Variants in WWOX observed in about 807,000 individuals in gnomAD.
WWOX encodes the protein WW domain-containing oxidoreductase.
WWOX carries 69 observed loss-of-function variants against 46.2 expected under a neutral mutation model. The observed-to-expected ratio is 1.49, with a 90% CI of 1.23 to 1.82. WWOX has a LOEUF of 1.82. WWOX is among the 40% of genes most tolerant of loss of function. The pLI is 0.00. For missense variants in WWOX, 919 were observed against 542.6 expected, an observed-to-expected ratio of 1.69 and a Z score of -6.89; for synonymous variants, 359 against 202.6, an observed-to-expected ratio of 1.77 and a Z score of -6.56.
chr16:78,904,021 C>T (rs577485683), intron 8 of WWOX, among the ~76,000 whole-genome samples: 1 of 152,104 alleles, frequency 6.6e-6, no homozygotes, highest in African/African-American at 2.4e-5. Context: ...CATATATCAT[C>T]AACACCTTTA....
intron 8 of WWOX, among the ~76,000 whole-genome samples, chr16:79,208,356 A>G (rs2051591869): frequency 1.3e-5 from 2 of 149,090 alleles, no homozygotes; most frequent in Non-Finnish European, 3.0e-5. Context: ...TACAACCTAC[A>G]GGCTTCTGAT....
intron 8 of WWOX, among the ~76,000 whole-genome samples, chr16:79,191,178 C>T (rs1267217246): frequency 3.9e-5 from 6 of 152,064 alleles, no homozygotes; most frequent in African/African-American, 7.2e-5. Flanking sequence ...CTCAGCTTCC[C>T]GAGTAGCTGG....
At chr16:78,633,912 T>TTA (rs1491182018) in intron 8 of WWOX, among the ~76,000 whole-genome samples, 17 of 151,812 alleles carry the variant, frequency 1.1e-4, no homozygotes, top group Admixed American at 7.9e-4. Context: ...TTTTTTTTTT[T>TTA]TAGATTTCTC....
At chr16:78,775,493 G>C (rs1366161126) in intron 8 of WWOX, among the ~76,000 whole-genome samples, 1 of 152,146 alleles carries the variant, frequency 6.6e-6, no homozygotes, top group African/African-American at 2.4e-5. Context: ...AAACAGAGAA[G>C]TCACTGTAGC....
chr16:78,818,044 C>T (rs2051387742), intron 8 of WWOX, among the ~76,000 whole-genome samples: 1 of 152,178 alleles, frequency 6.6e-6, no homozygotes, highest in Non-Finnish European at 1.5e-5. Flanking sequence ...GCAAGGGTCT[C>T]AGTCAACCTT....
chr16:78,465,354 C>G (rs1272118593), intron 8 of WWOX, among the ~76,000 whole-genome samples: 3 of 152,134 alleles, frequency 2.0e-5, no homozygotes, highest in Admixed American at 6.5e-5. Context: ...TTGCTATTTT[C>G]TTTTTTTAAG....
At chr16:78,656,028 C>CA (rs1205345459) in intron 8 of WWOX, among the ~76,000 whole-genome samples, 1 of 152,108 alleles carries the variant, frequency 6.6e-6, no homozygotes, top group African/African-American at 2.4e-5. Context: ...GGGTGAATAC[C>CA]AAAGGTCTGT....
chr16:78,660,327 G>A (rs2047181827), intron 8 of WWOX, among the ~76,000 whole-genome samples: 1 of 152,180 alleles, frequency 6.6e-6, no homozygotes. Context: ...CTGGCAGACA[G>A]TGGTTCATTT....
At chr16:78,773,258 C>G (rs2050108734) in intron 8 of WWOX, among the ~76,000 whole-genome samples, 3 of 152,104 alleles carry the variant, frequency 2.0e-5, no homozygotes, top group South Asian at 2.1e-4. Context: ...TTCTCCGATT[C>G]CACACCCCAT....
intron 5 of WWOX, among the ~76,000 whole-genome samples, chr16:78,360,108 A>G (rs1244279976): frequency 6.6e-6 from 1 of 152,224 alleles, no homozygotes; most frequent in Non-Finnish European, 1.5e-5. Flanking sequence ...AAAACACATT[A>G]AAAACAACGA....
At chr16:79,193,478 G>C (rs2051177290) in intron 8 of WWOX, among the ~76,000 whole-genome samples, 1 of 152,204 alleles carries the variant, frequency 6.6e-6, no homozygotes, top group African/African-American at 2.4e-5. Context: ...GCTGGGTCTT[G>C]CGTCACAGAG....
intron 8 of WWOX, among the ~76,000 whole-genome samples, chr16:78,437,530 T>TCAGCA (rs1438178247): frequency 6.6e-6 from 1 of 152,206 alleles, no homozygotes; most frequent in African/African-American, 2.4e-5. Context: ...GAATCAATTC[T>TCAGCA]CAGCACAGCG....
intron 8 of WWOX, among the ~76,000 whole-genome samples, chr16:78,500,734 G>A (rs893029630): frequency 1.3e-5 from 2 of 152,192 alleles, no homozygotes; most frequent in Non-Finnish European, 2.9e-5. Flanking sequence ...GGAAGCCCCA[G>A]TAATATCATT....
rs190149204 is a variant in WWOX at position 78,723,293 on chromosome 16, C to T, written c.1056+290541C>T. Among the ~76,000 whole-genome samples, 190 of 152,290 alleles carry T rather than the reference C, an allele frequency of 1.2e-3. 1 individual carries two copies. The highest frequency in any genetic ancestry group is 4.4e-3 in the African/African-American group (183 of 41,552). Reference sequence around the variant, plus strand: ...CTGGGAAGCTTTTGAAAACTCCCAGCATCATGAAGCATGGTCTCTTGCCTT... The same window carrying T: ...CTGGGAAGCTTTTGAAAACTCCCAGTATCATGAAGCATGGTCTCTTGCCTT... On this transcript the variant is annotated intron_variant, in intron 8 of 8. Coordinates refer to ENST00000566780, the MANE Select transcript of WWOX (RefSeq NM_016373.4).
intron 8 of WWOX, among the ~76,000 whole-genome samples, chr16:78,926,354 C>G (rs1032756393): frequency 2.2e-5 from 3 of 136,224 alleles, no homozygotes; most frequent in Admixed American, 7.7e-5. Flanking sequence ...GCGTGGGTGA[C>G]AGTGAGACCC....
chr16:78,368,697 C>A (rs894261352), intron 5 of WWOX, among the ~76,000 whole-genome samples: 1 of 152,172 alleles, frequency 6.6e-6, no homozygotes, highest in Non-Finnish European at 1.5e-5. Context: ...CCTTCCCCTC[C>A]CCCCTCTAAT....
At chr16:78,719,155 C>A (rs191402765) in intron 8 of WWOX, among the ~76,000 whole-genome samples, 9 of 152,276 alleles carry the variant, frequency 5.9e-5, no homozygotes, top group Middle Eastern at 3.4e-3. Flanking sequence ...TGTGGGTGAT[C>A]TCTTTCTTCC....
At chr16:78,148,815 G>A (rs992998128) in intron 4 of WWOX, among the ~76,000 whole-genome samples, 13 of 147,564 alleles carry the variant, frequency 8.8e-5, no homozygotes, top group Admixed American at 2.1e-4. Flanking sequence ...GGAGAATGGC[G>A]TGAACCTGGG....
At chr16:79,116,712 T>G (rs933444253) in intron 8 of WWOX, among the ~76,000 whole-genome samples, 1 of 152,014 alleles carries the variant, frequency 6.6e-6, no homozygotes, top group South Asian at 2.1e-4. Context: ...CCCAAGAAGG[T>G]GGAATAAACT....
Sources: allele counts gnomAD v4.1 joint callset (sites outside exome capture counted in the v4.1 genomes callset), GRCh38; gene constraint gnomAD v4.1.1; transcripts MANE v1.5; gene names NCBI Gene and HGNC (gene_info 2026-07-23, HGNC 2026-07-21).